Variants in MAPK4 observed in about 807,000 individuals in gnomAD.
MAPK4 encodes Erk3-related.
Under a neutral mutation model 47.7 loss-of-function variants are expected in MAPK4, and 22 were observed. That is an observed-to-expected ratio of 0.46 (90% CI 0.33 to 0.66). The LOEUF is 0.66. MAPK4 is among the 30% of genes least tolerant of loss of function. MAPK4 has a pLI of 0.02. For synonymous variants in MAPK4, 390 were observed against 365.7 expected (o/e 1.07, Z -0.76); for missense variants, 736 against 831.7 (o/e 0.88, Z 1.42).
chr18:50,576,750 C>T (rs1379593146), intron 1 of MAPK4, among the ~76,000 whole-genome samples: 1 of 152,106 alleles, frequency 6.6e-6, no homozygotes, highest in East Asian at 1.9e-4. Flanking sequence ...CTGTGGAAGT[C>T]CCTAGGACAG....
intron 2 of MAPK4, among the ~76,000 whole-genome samples, chr18:50,672,855 T>A (rs1201737146): frequency 6.6e-6 from 1 of 152,208 alleles, no homozygotes; most frequent in Non-Finnish European, 1.5e-5. Context: ...CAGTATTTCA[T>A]TATTCAGCAA....
At chr18:50,563,475 A>G (rs1436466925) in intron 1 of MAPK4, among the ~76,000 whole-genome samples, 1 of 152,240 alleles carries the variant, frequency 6.6e-6, no homozygotes, top group Non-Finnish European at 1.5e-5. Context: ...GGCATCACCC[A>G]GAACCAATTG....
rs370581359 is a variant in MAPK4, at chr18:50,664,318, G to T, written c.360G>T (p.Thr120=). The T allele has an allele frequency of 6.2e-7, 1 of 1,613,636 alleles. No individual in the cohort carries two copies. Among genetic ancestry groups the T allele is most frequent in the South Asian group, 1.1e-5 (1 of 91,074 alleles). Residue 120 remains threonine, a synonymous_variant, in exon 2 of 6, where the codon ACG becomes ACT. Coordinates refer to ENST00000400384, the MANE Select transcript of MAPK4 (RefSeq NM_002747.4). The surrounding 1 kb of genome is among the most constrained non-coding windows in gnomAD (Gnocchi z 6.0). The part of the protein sequence containing the change: ...TDLARLLEQG[T]LAEEHAKLFM... ...TGGCACGCCTGCTGGAGCAGGGCACGCTGGCAGAAGAGCATGCCAAGCTGT... is the reference window on the plus strand; with the variant it reads ...TGGCACGCCTGCTGGAGCAGGGCACTCTGGCAGAAGAGCATGCCAAGCTGT...
intron 1 of MAPK4, among the ~76,000 whole-genome samples, chr18:50,624,867 C>G (rs1259347636): frequency 1.3e-5 from 2 of 151,900 alleles, no homozygotes; most frequent in Admixed American, 6.6e-5. Context: ...TGCCTGGGAT[C>G]TAGAGAACTT....
At chr18:50,722,167 G>C in intron 4 of MAPK4, 68 bp downstream of exon 4, 1 of 1,484,412 alleles carries the variant, frequency 6.7e-7, no homozygotes, top group Non-Finnish European at 9.0e-7. Flanking sequence ...TGCGGGGTAG[G>C]GGGCAGGCAG....
chr18:50,564,276 A>G (rs1157879993), intron 1 of MAPK4, among the ~76,000 whole-genome samples: 1 of 152,212 alleles, frequency 6.6e-6, no homozygotes, highest in African/African-American at 2.4e-5. Context: ...TAAGGCAGCT[A>G]TTCTCAACCT....
chr18:50,639,376 G>C (rs1054857353), intron 1 of MAPK4, among the ~76,000 whole-genome samples: 3 of 152,184 alleles, frequency 2.0e-5, no homozygotes, highest in Non-Finnish European at 2.9e-5. Flanking sequence ...TGTTCACTGA[G>C]TGGGCTCTGA....
Position 50,678,743 on chromosome 18 carries a change from C to T in MAPK4, c.546+14239C>T, listed in dbSNP as rs1233534437. 5.3e-5 allele frequency among the ~76,000 whole-genome samples: 8 copies of T among 152,324 alleles called. No homozygotes were observed. In the East Asian group the frequency reaches 1.3e-3, roughly 26 times the overall value. ...TGCTTTCTTCTCTTCCAAGATAACA[C>T]GTTTGCCCTCTGCTGTCCATCATGC... On this transcript the variant is annotated intron_variant, in intron 2 of 5. Transcript: ENST00000400384. The surrounding 1 kb of genome is among the most constrained non-coding windows in gnomAD (Gnocchi z 4.2).
At chr18:50,562,002 C>T (rs2042157906) in intron 1 of MAPK4, among the ~76,000 whole-genome samples, 1 of 152,134 alleles carries the variant, frequency 6.6e-6, no homozygotes, top group African/African-American at 2.4e-5. Context: ...CGTGCTTAAA[C>T]AGCTATTGTG....
intron 3 of MAPK4, among the ~76,000 whole-genome samples, chr18:50,721,687 G>GGGGA (rs1321205975): frequency 6.6e-6 from 1 of 152,196 alleles, no homozygotes; most frequent in African/African-American, 2.4e-5. Context: ...CAGAATGCTA[G>GGGGA]GGGAATAGAT....
At chr18:50,702,065 G>A (rs1172200830) in intron 2 of MAPK4, among the ~76,000 whole-genome samples, 1 of 151,778 alleles carries the variant, frequency 6.6e-6, no homozygotes, top group Non-Finnish European at 1.5e-5. Flanking sequence ...GAAAGGCTGA[G>A]GTGGGAGGAT....
chr18:50,646,555 C>T (rs547737626), intron 1 of MAPK4, among the ~76,000 whole-genome samples: 114 of 152,302 alleles, frequency 7.5e-4, no homozygotes, highest in African/African-American at 2.4e-3. Context: ...TGCAGAGGGA[C>T]GGGGGCTGCA....
At chr18:50,661,914 A>T (rs940991470) in intron 1 of MAPK4, among the ~76,000 whole-genome samples, 1 of 152,242 alleles carries the variant, frequency 6.6e-6, no homozygotes, top group African/African-American at 2.4e-5. Flanking sequence ...CAGCAACAAT[A>T]GGTAACATCT....
At chr18:50,618,045 G>T (rs1426972122) in intron 1 of MAPK4, among the ~76,000 whole-genome samples, 1 of 152,146 alleles carries the variant, frequency 6.6e-6, no homozygotes, top group Non-Finnish European at 1.5e-5. Context: ...CCTAAAACTG[G>T]TTTTCTAATA....
chr18:50,626,059 T>C (rs1175355152), intron 1 of MAPK4, among the ~76,000 whole-genome samples: 1 of 152,162 alleles, frequency 6.6e-6, no homozygotes, highest in Non-Finnish European at 1.5e-5. Context: ...CTGAAGGCCA[T>C]CCACTGGCAG....
intron 2 of MAPK4, among the ~76,000 whole-genome samples, chr18:50,683,453 GGTGTGTGTGTGTGTGTGT>G (rs3045776): frequency 7.0e-6 from 1 of 142,152 alleles, no homozygotes; most frequent in African/African-American, 2.7e-5. Context: ...TTGGTGATGG[GGTGTGTGTGTGTGTGTGT>G]GTGTGTGTGT....
intron 1 of MAPK4, among the ~76,000 whole-genome samples, chr18:50,600,135 T>A (rs4432342): frequency 0.4 from 61,429 of 152,096 alleles, 13,356 homozygotes; most frequent in Middle Eastern, 0.49. Context: ...TGTATATGCA[T>A]CTATGCTTCA....
intron 2 of MAPK4, among the ~76,000 whole-genome samples, chr18:50,714,712 A>G (rs1910546910): frequency 6.6e-6 from 1 of 152,254 alleles, no homozygotes; most frequent in Non-Finnish European, 1.5e-5. Flanking sequence ...CTCTGTTGCT[A>G]GCAGTAATGA....
At chr18:50,602,609 T>C (rs1312084033) in intron 1 of MAPK4, among the ~76,000 whole-genome samples, 1 of 152,196 alleles carries the variant, frequency 6.6e-6, no homozygotes, top group East Asian at 1.9e-4. Context: ...GAATCAACAT[T>C]CCAGAGGTAG....
Sources: gnomAD v4.1 joint callset for allele counts (sites outside exome capture counted in the v4.1 genomes callset) on GRCh38, gnomAD v4.1.1 for gene constraint, Gnocchi (gnomAD v3.1) non-coding constraint, MANE v1.5 for transcripts, NCBI Gene and HGNC (gene_info 2026-07-23, HGNC 2026-07-21) for gene names.